The following SLAMF6 variants were observed in gnomAD, a reference collection of about 807,000 sequenced individuals.
SLAMF6 encodes the protein SLAM family member 6, also known as NK-T-B-antigen.
A neutral mutation model predicts 38.3 loss-of-function variants in SLAMF6; 21 were observed. The ratio of observed to expected loss-of-function variants is 0.55; its 90% CI spans 0.39 to 0.79. The LOEUF (loss-of-function observed/expected upper bound fraction) is 0.79, where lower values mean the gene tolerates loss of function less well. Among genes scored for constraint, SLAMF6 ranks in the 30% least tolerant of loss-of-function variants. The pLI, the probability that SLAMF6 is intolerant of heterozygous loss-of-function variation, is 0.00. For missense variants in SLAMF6, 341 were observed against 385.3 expected (o/e 0.89, Z 0.96); for synonymous variants, 152 against 146.3 (o/e 1.04, Z -0.28).
rs575757672 is a variant in SLAMF6 at position 160,496,291 on chromosome 1, T to C, written c.152A>G (p.Asn51Ser). 5 of 1,614,034 alleles carry C rather than the reference T, an allele frequency of 3.1e-6. No individual in the cohort carries two copies. Among genetic ancestry groups the C allele is most frequent in the African/African-American group, 2.7e-5 (2 of 75,034 alleles). Residue 51 changes from asparagine to serine, a missense_variant, in exon 2 of 8, where the codon AAC becomes AGC. Transcript: ENST00000368057. ...TTCATTGAAAAGCCAAGTGATGAAG[T>C]TGACCTTCTCTCCTGCAGGAAACTC... is the stretch of plus-strand genomic sequence containing the variant. ...PLEFPAGEKV[N>S]FITWLFNETS...
At chr1:160,491,102 T>C in intron 3 of SLAMF6, 23 bp downstream of exon 3, 1 of 1,612,150 alleles carries the variant, frequency 6.2e-7, no homozygotes, top group Non-Finnish European at 8.5e-7. Flanking sequence ...CTCAAGGCTC[T>C]CAGACCTGAG....
chr1:160,504,437 C>T (rs893191019), intron 1 of SLAMF6, among the ~76,000 whole-genome samples: 1 of 152,130 alleles, frequency 6.6e-6, no homozygotes, highest in South Asian at 2.1e-4. Flanking sequence ...TTTGATTGCC[C>T]TTTCCCCGAT....
In SLAMF6 at chr1:160,485,659, T is replaced by C. The variant is rs990185044; in HGVS notation, c.*1048A>G. 6.6e-6 allele frequency: 1 copy of C among 152,432 alleles called. No individual in the cohort carries two copies. The highest frequency in any genetic ancestry group is 2.4e-5 in the African/African-American group (1 of 41,422). The allele number at this position is 152,432 out of a possible 1,614,324, so 9.4% of individuals were successfully genotyped here. ...ACCTGCAGGGTTTTAAGCAGGAAACTGAAGGATCCAATTTATATTAAAAAC... is the reference window on the plus strand; with the variant it reads ...ACCTGCAGGGTTTTAAGCAGGAAACCGAAGGATCCAATTTATATTAAAAAC... On this transcript the variant is annotated 3_prime_UTR_variant, in exon 8 of 8. Coordinates refer to ENST00000368057, the MANE Select transcript of SLAMF6 (RefSeq NM_001184714.2).
Position 160,490,670 on chromosome 1 carries a change from T to C in SLAMF6, c.662A>G (p.Tyr221Cys), listed in dbSNP as rs1373169350. The C allele has an allele frequency of 5.6e-6, 9 of 1,613,006 alleles. No homozygotes were observed. The highest frequency in any genetic ancestry group is 6.8e-6 in the Non-Finnish European group (8 of 1,179,724). Reference protein sequence around the residue: ...QKLCEDVKIQYTDTKMILFMV... With the variant: ...QKLCEDVKIQCTDTKMILFMV... The stretch of plus-strand genomic sequence containing the variant: ...AAACAGAATCATTTTGGTATCTGTA[T>C]ATTGAATTTTAACATCTGAAAAGAG... The change falls in exon 4 of 8, where the codon TAT becomes TGT. Residue 221 changes from tyrosine (Y) to cysteine (C), a missense_variant. Tyr to Cys is a radical substitution (Grantham distance 194). Coordinates refer to ENST00000368057, the MANE Select transcript of SLAMF6 (RefSeq NM_001184714.2).
At chr1:160,518,888 C>T (rs1052965451) in intron 1 of SLAMF6, among the ~76,000 whole-genome samples, 1 of 151,994 alleles carries the variant, frequency 6.6e-6, no homozygotes, top group Non-Finnish European at 1.5e-5. Context: ...ATGTAACAAA[C>T]TTGCATATCC....
chr1:160,485,043 CATTTT>C lies in SLAMF6; in HGVS notation c.*1659_*1663del, dbSNP rs1472714729. 4.0e-5 allele frequency: 6 copies of C among 151,840 alleles called. No individual in the cohort carries two copies. The highest frequency in any genetic ancestry group is 8.8e-5 in the Non-Finnish European group (6 of 67,966). The allele number at this position is 151,840 out of a possible 1,614,324, so 9.4% of individuals were successfully genotyped here. A position where few individuals can be genotyped will look rare whatever the true frequency, so the allele number is the denominator to read the frequency against. On this transcript the variant is annotated 3_prime_UTR_variant, in exon 8 of 8. Coordinates refer to ENST00000368057, the MANE Select transcript of SLAMF6 (RefSeq NM_001184714.2). Reference sequence around the variant, plus strand: ...TGTAACAGAATAATAAGATCTATTTCATTTTATTTTATTTATTTATTTTTTGAGAC... The same window carrying C: ...TGTAACAGAATAATAAGATCTATTTCATTTTATTTATTTATTTTTTGAGAC...
chr1:160,502,496 T>C (rs1190569109), intron 1 of SLAMF6, among the ~76,000 whole-genome samples: 1 of 152,216 alleles, frequency 6.6e-6, no homozygotes, highest in Non-Finnish European at 1.5e-5. Flanking sequence ...TTAGTCAGCA[T>C]TGTATTTCCC....
intron 2 of SLAMF6, among the ~76,000 whole-genome samples, chr1:160,493,632 T>C (rs999166400): frequency 1.2e-4 from 18 of 152,218 alleles, no homozygotes; most frequent in African/African-American, 4.3e-4. Flanking sequence ...TTGACTCAAT[T>C]AATAAACCTA....
intron 4 of SLAMF6, 126 bp downstream of exon 4, chr1:160,490,449 G>A: frequency 1.5e-6 from 2 of 1,370,332 alleles, no homozygotes; most frequent in South Asian, 1.4e-5. Context: ...TGGACTAGCT[G>A]AGCCAGGGTT....
rs1052341558 is a variant in SLAMF6 at position 160,488,113 on chromosome 1, A to C, written c.880-938T>G. Among the ~76,000 whole-genome samples the C allele has an allele frequency of 7.9e-5, 12 of 151,746 alleles. No homozygotes were observed. The South Asian group carries it at 8.3e-4, about 11-fold the overall frequency. ...CTCAAAAAAAAAAAAAAACCAAAAA[A>C]CAAAAAACAAACCAACAAAAAACAA... On this transcript the variant is annotated intron_variant, in intron 6 of 7. Coordinates refer to ENST00000368057, the MANE Select transcript of SLAMF6 (RefSeq NM_001184714.2).
chr1:160,491,357 G>A lies in SLAMF6; in HGVS notation c.414C>T (p.His138=). 6.2e-7 allele frequency: 1 copy of A among 1,613,874 alleles called. No homozygotes were observed. Among genetic ancestry groups the A allele is most frequent in the Non-Finnish European group, 8.5e-7 (1 of 1,179,930 alleles). The change falls in exon 3 of 8, where the codon CAC becomes CAT. Residue 138 remains histidine (H), a synonymous_variant. Transcript: ENST00000368057. The part of the protein sequence containing the change: ...RQLRNIQVTN[H]SQLFQNMTCE... The stretch of plus-strand genomic sequence containing the variant: ...AGGTCATATTCTGAAATAGCTGACT[G>A]TGATTGGTAACTTGTATGTTCCTCA...
At chr1:160,493,250 G>A (rs1394638062) in intron 2 of SLAMF6, among the ~76,000 whole-genome samples, 1 of 152,118 alleles carries the variant, frequency 6.6e-6, no homozygotes, top group East Asian at 1.9e-4. Flanking sequence ...AGGGGATCTT[G>A]CTATCTATGC....
intron 1 of SLAMF6, among the ~76,000 whole-genome samples, chr1:160,504,751 G>A (rs1250941072): frequency 2.0e-5 from 3 of 152,166 alleles, no homozygotes; most frequent in African/African-American, 7.2e-5. Context: ...AAATAGATAT[G>A]TCGAATGCCT....
chr1:160,509,142 TC>T (rs1654340776), intron 1 of SLAMF6, among the ~76,000 whole-genome samples: 2 of 152,200 alleles, frequency 1.3e-5, no homozygotes, highest in African/African-American at 4.8e-5. Context: ...GACCCAGCCA[TC>T]CCATTACTGG....
rs768181474 is a variant in SLAMF6, at chr1:160,496,047, A to G, written c.382+14T>C. ...TTCAGTCCATATGGAATTAAACCCC[A>G]TATTTTGACTTACTTAATATCCTCA... On this transcript the variant is annotated intron_variant, in intron 2 of 7. Transcript: ENST00000368057. The G allele has an allele frequency of 3.1e-6, 5 of 1,602,094 alleles. No homozygotes were observed. The highest frequency in any genetic ancestry group is 4.3e-6 in the Non-Finnish European group (5 of 1,172,314).
At chr1:160,508,322 T>G (rs1241469428) in intron 1 of SLAMF6, among the ~76,000 whole-genome samples, 1 of 152,000 alleles carries the variant, frequency 6.6e-6, no homozygotes, top group East Asian at 1.9e-4. Flanking sequence ...TATAGATCAG[T>G]GGTACAGAAC....
Position 160,491,340 on chromosome 1 carries a change from T to C in SLAMF6, c.431A>G (p.Asn144Ser). Residue 144 changes from asparagine (N) to serine (S), a missense_variant, in exon 3 of 8, where the codon AAT (asparagine) becomes AGT (serine). By Grantham distance (46) the Asn-to-Ser change is conservative (BLOSUM62 1). Transcript: ENST00000368057. ...AGTCAGATGGAGCTCACAGGTCATA[T>C]TCTGAAATAGCTGACTGTGATTGGT... is the stretch of plus-strand genomic sequence containing the variant. Reference protein sequence around the residue: ...QVTNHSQLFQNMTCELHLTCS... With the variant: ...QVTNHSQLFQSMTCELHLTCS... 3.7e-6 allele frequency: 6 copies of C among 1,614,030 alleles called. No individual in the cohort carries two copies. Among genetic ancestry groups the C allele is most frequent in the Non-Finnish European group, 5.1e-6 (6 of 1,179,946 alleles).
chr1:160,488,106 C>T (rs553775600), intron 6 of SLAMF6, among the ~76,000 whole-genome samples: 4 of 148,198 alleles, frequency 2.7e-5, no homozygotes, highest in Non-Finnish European at 6.0e-5. Context: ...AAAAAAAAAA[C>T]CAAAAAACAA....
rs200630124 is a variant in SLAMF6, at chr1:160,521,062, A to AT, written c.49+2081dup. 9.0e-4 allele frequency among the ~76,000 whole-genome samples: 136 copies of AT among 151,724 alleles called. 1 individual carries two copies. In the South Asian group the frequency reaches 0.014, roughly 15 times the overall value. ...TTTTCTCTATGAAGGTGCCCTGCTT[A>AT]TTTTTTTTGCTGGCCTCACATTTTC... On this transcript the variant is annotated intron_variant, in intron 1 of 7. Coordinates refer to ENST00000368057, the MANE Select transcript of SLAMF6 (RefSeq NM_001184714.2).
Sources: allele counts gnomAD v4.1 joint callset (sites outside exome capture counted in the v4.1 genomes callset), GRCh38; gene constraint gnomAD v4.1.1; transcripts MANE v1.5; gene names NCBI Gene and HGNC (gene_info 2026-07-23, HGNC 2026-07-21).